TMEM132B: variants seen among roughly 807,000 people sequenced by gnomAD.
TMEM132B encodes transmembrane protein 132B.
In TMEM132B, 18 loss-of-function variants were observed where a neutral mutation model predicts 90.8. The ratio of observed to expected loss-of-function variants is 0.20; its 90% CI spans 0.14 to 0.29. The LOEUF (loss-of-function observed/expected upper bound fraction) is 0.29. Ranked by LOEUF, TMEM132B falls within the 10% of genes least tolerant of loss-of-function variation. The probability of loss-of-function intolerance (pLI) is 1.00; values close to 1 mark genes in which losing one functional copy is unlikely to be tolerated. For missense variants in TMEM132B, 1,096 were observed against 1,326.8 expected (o/e 0.83, Z 2.70); for synonymous variants, 504 against 523.3 (o/e 0.96, Z 0.50).
intron 1 of TMEM132B, among the ~76,000 whole-genome samples, chr12:125,295,515 T>TGTGAGAGAGAGAGAGAGAGAGAGAGA (rs531489519): frequency 7.0e-6 from 1 of 142,334 alleles, no homozygotes; most frequent in African/African-American, 2.7e-5. Flanking sequence ...TGTGTGTGTG[T>TGTGAGAGAGAGAGAGAGAGAGAGAGA]GAGAGAGAGA....
intron 4 of TMEM132B, among the ~76,000 whole-genome samples, chr12:125,551,552 G>A (rs1321449636): frequency 6.7e-6 from 1 of 148,996 alleles, no homozygotes; most frequent in Non-Finnish European, 1.5e-5. Flanking sequence ...GATGAGTTTT[G>A]ACACATCTAT....
At chr12:125,610,692 TA>T (rs1193911585) in intron 5 of TMEM132B, among the ~76,000 whole-genome samples, 1 of 152,088 alleles carries the variant, frequency 6.6e-6, no homozygotes, top group Non-Finnish European at 1.5e-5. Context: ...TTTTATTATA[TA>T]AACCAATGAC....
chr12:125,411,124 T>G (rs1182870697), intron 2 of TMEM132B, among the ~76,000 whole-genome samples: 1 of 17,472 alleles, frequency 5.7e-5, no homozygotes, highest in Non-Finnish European at 1.1e-4. Context: ...TGGAGTGGAG[T>G]GGAGTGAGTG....
chr12:125,480,487 G>A (rs1882009861), intron 3 of TMEM132B, among the ~76,000 whole-genome samples: 1 of 152,250 alleles, frequency 6.6e-6, no homozygotes, highest in East Asian at 1.9e-4. Context: ...ACACCTCTAC[G>A]CAAATAAACT....
chr12:125,291,653 A>C (rs1234431039), intron 1 of TMEM132B, among the ~76,000 whole-genome samples: 1 of 152,184 alleles, frequency 6.6e-6, no homozygotes, highest in Non-Finnish European at 1.5e-5. Flanking sequence ...AGATGAGACC[A>C]CACCTCAGGG....
Position 125,541,757 on chromosome 12 carries a change from C to T in TMEM132B, c.1293+22132C>T, listed in dbSNP as rs114496635. ...TGTTTTAAAGAAGTGAACGCCTTCA[C>T]GCCTGTAATCCCAGCACTTTGGGAG... On this transcript the variant is annotated intron_variant, in intron 4 of 8. Coordinates refer to ENST00000682704, the MANE Select transcript of TMEM132B (RefSeq NM_001366854.1). 4.1e-3 allele frequency among the ~76,000 whole-genome samples: 618 copies of T among 151,446 alleles called. 4 individuals are homozygous for T. The highest frequency in any genetic ancestry group is 0.014 in the African/African-American group (588 of 41,268).
At chr12:125,617,479 G>A (rs1004874666) in intron 5 of TMEM132B, among the ~76,000 whole-genome samples, 1 of 151,866 alleles carries the variant, frequency 6.6e-6, no homozygotes, top group Non-Finnish European at 1.5e-5. Context: ...CCAAGTAGCT[G>A]GGATTACAGG....
At chr12:125,370,821 G>A (rs865873057) in intron 2 of TMEM132B, among the ~76,000 whole-genome samples, 18 of 152,322 alleles carry the variant, frequency 1.2e-4, no homozygotes, top group African/African-American at 4.1e-4. Flanking sequence ...GTCTTTCTAC[G>A]TTGTTCCAAT....
intron 5 of TMEM132B, among the ~76,000 whole-genome samples, chr12:125,601,984 C>A (rs1168535232): frequency 6.6e-6 from 1 of 152,106 alleles, no homozygotes; most frequent in Non-Finnish European, 1.5e-5. Flanking sequence ...GCCTATCAAC[C>A]AATAAAAGCC....
intron 1 of TMEM132B, among the ~76,000 whole-genome samples, chr12:125,300,121 T>C (rs951114821): frequency 6.6e-6 from 1 of 151,970 alleles, no homozygotes; most frequent in African/African-American, 2.4e-5. Context: ...TCTCTCCCTT[T>C]CTTCACGATC....
chr12:125,505,166 CAAAAAAAA>C (rs71306287), intron 3 of TMEM132B, among the ~76,000 whole-genome samples: 550 of 28,516 alleles, frequency 0.019, 2 homozygotes, highest in African/African-American at 0.057. Context: ...CACCAGAGGA[CAAAAAAAA>C]AAAAAAAAAA....
chr12:125,216,205 G>A (rs987491540), intron 1 of TMEM132B, among the ~76,000 whole-genome samples: 4 of 152,182 alleles, frequency 2.6e-5, no homozygotes. Context: ...TGCTAGCAAG[G>A]TCAGTTTTTG....
chr12:125,580,472 G>A (rs1885031128), intron 4 of TMEM132B, among the ~76,000 whole-genome samples: 1 of 152,238 alleles, frequency 6.6e-6, no homozygotes, highest in African/African-American at 2.4e-5. Context: ...TTGGGAATGA[G>A]GTTTTGAAAG....
At chr12:125,606,643 G>A (rs145676794) in intron 5 of TMEM132B, among the ~76,000 whole-genome samples, 14 of 152,294 alleles carry the variant, frequency 9.2e-5, no homozygotes, top group African/African-American at 3.4e-4. Context: ...TTCGGTATCT[G>A]GGGCTTCCAT....
chr12:125,500,986 G>A (rs988998898), intron 3 of TMEM132B, among the ~76,000 whole-genome samples: 1 of 152,170 alleles, frequency 6.6e-6, no homozygotes, highest in Non-Finnish European at 1.5e-5. Flanking sequence ...AGAAACAGAA[G>A]ACAGGTGAAG....
At chr12:125,630,213 T>C (rs1156783724) in intron 5 of TMEM132B, among the ~76,000 whole-genome samples, 2 of 152,238 alleles carry the variant, frequency 1.3e-5, no homozygotes, top group African/African-American at 4.8e-5. Context: ...ATAAGATTGG[T>C]ATTAATTCTT....
chr12:125,187,263 A>G (rs1957765751), intron 1 of TMEM132B, among the ~76,000 whole-genome samples: 1 of 151,852 alleles, frequency 6.6e-6, no homozygotes, highest in African/African-American at 2.4e-5. Flanking sequence ...GCCCTTCTCC[A>G]GTGTCTTGCT....
chr12:125,392,183 C>T (rs943584824), intron 2 of TMEM132B, among the ~76,000 whole-genome samples: 4 of 152,130 alleles, frequency 2.6e-5, no homozygotes, highest in African/African-American at 9.7e-5. Context: ...AGAAATATAC[C>T]TACTACGTGC....
intron 2 of TMEM132B, among the ~76,000 whole-genome samples, chr12:125,392,136 G>T (rs980003744): frequency 1.3e-5 from 2 of 152,158 alleles, no homozygotes; most frequent in Non-Finnish European, 2.9e-5. Flanking sequence ...ATTTTAGAAA[G>T]TAAAGAAAAT....
Sources: gnomAD v4.1 joint callset for allele counts (sites outside exome capture counted in the v4.1 genomes callset) on GRCh38, gnomAD v4.1.1 for gene constraint, MANE v1.5 for transcripts, NCBI Gene and HGNC (gene_info 2026-07-23, HGNC 2026-07-21) for gene names.